TMPRSS15: variants seen among roughly 807,000 people sequenced by gnomAD.
TMPRSS15 encodes the protein transmembrane serine protease 15.
TMPRSS15 carries 128 observed loss-of-function variants against 125.3 expected under a neutral mutation model. The ratio of observed to expected loss-of-function variants is 1.02; its 90% confidence interval spans 0.89 to 1.18. The LOEUF is 1.18. TMPRSS15 is among the 50% of genes most tolerant of loss of function. TMPRSS15 has a pLI of 0.00. For missense variants in TMPRSS15, 1,283 were observed against 1,212.7 expected, an observed-to-expected ratio of 1.06 and a Z score of -0.86; for synonymous variants, 446 against 423.2, an observed-to-expected ratio of 1.05 and a Z score of -0.66.
intron 1 of TMPRSS15, among the ~76,000 whole-genome samples, chr21:18,444,939 AC>A (rs2123241570): frequency 6.6e-6 from 1 of 152,230 alleles, no homozygotes; most frequent in East Asian, 1.9e-4. Flanking sequence ...CATGAGTGAG[AC>A]AACAAAATTA....
Position 18,365,241 on chromosome 21 carries a change from A to T in TMPRSS15, c.672T>A (p.Val224=), listed in dbSNP as rs745843751. 6.2e-7 allele frequency: 1 copy of T among 1,613,786 alleles called. No individual in the cohort carries two copies. The highest frequency in any genetic ancestry group is 8.5e-7 in the Non-Finnish European group (1 of 1,179,804). ...SDEDNKMCAT[V]CDGRFLLTGS... The stretch of plus-strand genomic sequence containing the variant: ...CAGTTAACAAAAATCTTCCATCACA[A>T]ACTGTGGCTGCAAAACGATGCCAAT... Residue 224 remains valine, a synonymous_variant, in exon 7 of 25, where the codon GTT becomes GTA. Coordinates refer to ENST00000284885, the MANE Select transcript of TMPRSS15 (RefSeq NM_002772.3).
At chr21:18,401,918 T>G (rs1362032797) in intron 1 of TMPRSS15, among the ~76,000 whole-genome samples, 1 of 152,190 alleles carries the variant, frequency 6.6e-6, no homozygotes, top group Non-Finnish European at 1.5e-5. Flanking sequence ...CAACAGGGAT[T>G]CCAATGGACT....
intron 24 of TMPRSS15, among the ~76,000 whole-genome samples, chr21:18,272,934 T>C (rs1395367186): frequency 2.0e-5 from 3 of 152,178 alleles, no homozygotes; most frequent in African/African-American, 4.8e-5. Flanking sequence ...TTACTTCTCA[T>C]ACTTTAGTGT....
At chr21:18,318,440 C>G (rs888430329) in intron 16 of TMPRSS15, among the ~76,000 whole-genome samples, 1 of 152,132 alleles carries the variant, frequency 6.6e-6, no homozygotes, top group Admixed American at 6.5e-5. Context: ...ATAAAAACTT[C>G]CTATCTTCCA....
chr21:18,359,197 C>T (rs1183487760), intron 8 of TMPRSS15, among the ~76,000 whole-genome samples: 4 of 151,980 alleles, frequency 2.6e-5, no homozygotes, highest in Non-Finnish European at 5.9e-5. Flanking sequence ...CATTCCCTGC[C>T]CTCTTTTCAG....
chr21:18,318,546 G>C (rs1021422719), intron 16 of TMPRSS15, among the ~76,000 whole-genome samples: 2 of 152,182 alleles, frequency 1.3e-5, no homozygotes, highest in African/African-American at 4.8e-5. Context: ...ATTAAGCCAA[G>C]GTCTGTGCCT....
intron 6 of TMPRSS15, among the ~76,000 whole-genome samples, chr21:18,371,617 A>T (rs1461541838): frequency 6.6e-6 from 1 of 152,212 alleles, no homozygotes; most frequent in African/African-American, 2.4e-5. Context: ...CAAATGAAAC[A>T]CAGAAGTTTT....
chr21:18,322,951 A>C (rs1291524686), intron 16 of TMPRSS15, among the ~76,000 whole-genome samples: 4 of 152,218 alleles, frequency 2.6e-5, no homozygotes, highest in Admixed American at 6.5e-5. Context: ...TTCGATGATT[A>C]TAAATTGTAT....
At chr21:18,320,647 C>A (rs1265830575) in intron 16 of TMPRSS15, among the ~76,000 whole-genome samples, 2 of 152,102 alleles carry the variant, frequency 1.3e-5, no homozygotes, top group Non-Finnish European at 2.9e-5. Context: ...TTTCTATAAG[C>A]TGAATGAACT....
chr21:18,428,351 TC>T (rs2076208378), intron 1 of TMPRSS15, among the ~76,000 whole-genome samples: 1 of 152,102 alleles, frequency 6.6e-6, no homozygotes, highest in Admixed American at 6.6e-5. Flanking sequence ...AAACCCATCT[TC>T]CGAGGAGAAA....
chr21:18,377,260 T>A (rs2123030777), intron 5 of TMPRSS15, among the ~76,000 whole-genome samples: 1 of 152,328 alleles, frequency 6.6e-6, no homozygotes, highest in African/African-American at 2.4e-5. Flanking sequence ...AAACAAAGTT[T>A]TTTTGGAGAA....
intron 1 of TMPRSS15, among the ~76,000 whole-genome samples, chr21:18,411,959 C>T (rs1247649086): frequency 1.3e-5 from 2 of 152,240 alleles, no homozygotes; most frequent in Admixed American, 6.5e-5. Flanking sequence ...TTGCTTTTTC[C>T]TCGTAGGGGT....
rs1433218722 is a variant in TMPRSS15 at position 18,353,803 on chromosome 21, G to A, written c.941C>T (p.Thr314Ile). 1.2e-6 allele frequency: 2 copies of A among 1,611,796 alleles called. No individual in the cohort carries two copies. Among genetic ancestry groups the A allele is most frequent in the South Asian group, 2.2e-5 (2 of 91,040 alleles). ...ACTTTCATCAGATTCTATAAGAAAG[G>A]TGGCAGTAACTTGGTTGGAAAAAAT... ...IRIFSNQVTA[T>I]FLIESDESDY... The change falls in exon 9 of 25, where the codon ACC (threonine) becomes ATC (isoleucine). Residue 314 changes from threonine to isoleucine, a missense_variant. Coordinates refer to ENST00000284885, the MANE Select transcript of TMPRSS15 (RefSeq NM_002772.3).
At chr21:18,282,092 C>T (rs182362505) in intron 21 of TMPRSS15, among the ~76,000 whole-genome samples, 1,414 of 116,376 alleles carry the variant, frequency 0.012, 24 homozygotes, top group African/African-American at 0.046. Flanking sequence ...AGCAAGACTC[C>T]GCCTCAAAAA....
At chr21:18,441,686 A>G (rs2076242365) in intron 1 of TMPRSS15, among the ~76,000 whole-genome samples, 1 of 146,464 alleles carries the variant, frequency 6.8e-6, no homozygotes, top group Non-Finnish European at 1.5e-5. Context: ...TATTATTATT[A>G]TTATTATTAT....
At chr21:18,304,450 C>A (rs1388262373) in intron 18 of TMPRSS15, among the ~76,000 whole-genome samples, 1 of 152,164 alleles carries the variant, frequency 6.6e-6, no homozygotes, top group Non-Finnish European at 1.5e-5. Flanking sequence ...CTGGGTCTCA[C>A]TCCAGCCAGG....
chr21:18,388,726 C>A (rs1398343761), intron 3 of TMPRSS15, among the ~76,000 whole-genome samples: 1 of 152,164 alleles, frequency 6.6e-6, no homozygotes, highest in Non-Finnish European at 1.5e-5. Context: ...AAATTCGTTT[C>A]ATTCACCACA....
chr21:18,342,035 G>A (rs951163574), intron 12 of TMPRSS15, among the ~76,000 whole-genome samples: 1 of 152,278 alleles, frequency 6.6e-6, no homozygotes, highest in East Asian at 1.9e-4. Flanking sequence ...AGTGTAAAAC[G>A]ATCATTCAGG....
chr21:18,360,191 A>AGT (rs776145542), intron 7 of TMPRSS15, among the ~76,000 whole-genome samples: 22 of 152,058 alleles, frequency 1.4e-4, no homozygotes, highest in Non-Finnish European at 2.9e-5. Flanking sequence ...GAATTCATGC[A>AGT]GTATTTATCT....
Sources: gnomAD v4.1 joint callset for allele counts (sites outside exome capture counted in the v4.1 genomes callset) on GRCh38, gnomAD v4.1.1 for gene constraint, MANE v1.5 for transcripts, NCBI Gene and HGNC (gene_info 2026-07-23, HGNC 2026-07-21) for gene names.